Variants in GALNT17 observed in about 807,000 individuals in gnomAD.
GALNT17 encodes the protein polypeptide N-acetylgalactosaminyltransferase 17, also known as UDP-GalNAc:polypeptide N-acetylgalactosaminyltransferase-like 3.
Under a neutral mutation model 63.7 loss-of-function variants are expected in GALNT17, and 29 were observed. That is an observed-to-expected ratio of 0.46 (90% confidence interval 0.34 to 0.62). The LOEUF (loss-of-function observed/expected upper bound fraction) is 0.62. Ranked by LOEUF, GALNT17 falls within the 20% of genes least tolerant of loss-of-function variation. The pLI is 0.01. For synonymous variants in GALNT17, 305 were observed against 318.3 expected, an observed-to-expected ratio of 0.96 and a Z score of 0.45; for missense variants, 603 against 799.6, an observed-to-expected ratio of 0.75 and a Z score of 2.97.
chr7:71,437,951 A>G (rs1786994927), intron 5 of GALNT17, among the ~76,000 whole-genome samples: 1 of 152,124 alleles, frequency 6.6e-6, no homozygotes, highest in Non-Finnish European at 1.5e-5. Flanking sequence ...GGTTTCAAGC[A>G]TTCCTCGTGC....
At chr7:71,349,724 G>T (rs575844040) in intron 2 of GALNT17, among the ~76,000 whole-genome samples, 1 of 152,294 alleles carries the variant, frequency 6.6e-6, no homozygotes, top group South Asian at 2.1e-4. Context: ...GTGCCCCAAT[G>T]ATGAAGCAAT....
intron 2 of GALNT17, among the ~76,000 whole-genome samples, chr7:71,373,341 T>C (rs1385887800): frequency 6.6e-6 from 1 of 152,148 alleles, no homozygotes; most frequent in African/African-American, 2.4e-5. Flanking sequence ...AGGGCCTGCT[T>C]TCTGCGGTGT....
chr7:71,479,358 G>A (rs1171349228), intron 5 of GALNT17, among the ~76,000 whole-genome samples: 3 of 152,140 alleles, frequency 2.0e-5, no homozygotes, highest in Non-Finnish European at 2.9e-5. Context: ...CAGCACGTAT[G>A]GTTTCAGGTA....
At chr7:71,508,683 G>C (rs548993001) in intron 5 of GALNT17, among the ~76,000 whole-genome samples, 1 of 152,156 alleles carries the variant, frequency 6.6e-6, no homozygotes, top group East Asian at 1.9e-4. Context: ...CAAGTCCCCA[G>C]CCTTCATGCC....
intron 1 of GALNT17, among the ~76,000 whole-genome samples, chr7:71,264,226 C>T (rs1790446754): frequency 6.6e-6 from 1 of 152,174 alleles, no homozygotes; most frequent in East Asian, 1.9e-4. Flanking sequence ...AGGGGTTGAG[C>T]ATGCCGCACA....
intron 8 of GALNT17, among the ~76,000 whole-genome samples, chr7:71,675,584 C>A (rs975099859): frequency 1.3e-5 from 2 of 151,718 alleles, no homozygotes; most frequent in African/African-American, 4.9e-5. Flanking sequence ...GATTGCACCC[C>A]TGCACTCCAG....
intron 9 of GALNT17, among the ~76,000 whole-genome samples, chr7:71,693,867 A>C (rs555863465): frequency 7.9e-5 from 12 of 152,096 alleles, no homozygotes; most frequent in Non-Finnish European, 1.5e-4. Context: ...TTCTTTGTAA[A>C]GCTGGAGCAA....
chr7:71,435,145 G>T (rs1274461399), intron 5 of GALNT17, among the ~76,000 whole-genome samples: 2 of 152,126 alleles, frequency 1.3e-5, no homozygotes, highest in Non-Finnish European at 2.9e-5. Flanking sequence ...GGGCATCCTA[G>T]CAAGACCCCA....
chr7:71,322,571 A>G (rs1186355330), intron 1 of GALNT17, among the ~76,000 whole-genome samples: 1 of 152,194 alleles, frequency 6.6e-6, no homozygotes, highest in Non-Finnish European at 1.5e-5. Context: ...CTTCTAGGAC[A>G]GAATTTAACA....
At chr7:71,249,216 G>A (rs553081400) in intron 1 of GALNT17, among the ~76,000 whole-genome samples, 10 of 152,120 alleles carry the variant, frequency 6.6e-5, no homozygotes, top group Admixed American at 2.0e-4. Flanking sequence ...CCTTTCTTAC[G>A]TGGGTTAAAT....
At chr7:71,183,805 G>T (rs757628991) in intron 1 of GALNT17, among the ~76,000 whole-genome samples, 1 of 151,934 alleles carries the variant, frequency 6.6e-6, no homozygotes, top group Non-Finnish European at 1.5e-5. Context: ...CAGGAGAATC[G>T]CGTGAACCCG....
intron 2 of GALNT17, among the ~76,000 whole-genome samples, chr7:71,346,935 T>C (rs992952401): frequency 2.9e-5 from 3 of 101,900 alleles, no homozygotes; most frequent in African/African-American, 8.8e-5. Flanking sequence ...GCATACAGTA[T>C]TTTTTTTTTT....
At chr7:71,549,092 C>A (rs1789033067) in intron 5 of GALNT17, among the ~76,000 whole-genome samples, 2 of 152,132 alleles carry the variant, frequency 1.3e-5, no homozygotes, top group Admixed American at 6.6e-5. Flanking sequence ...GTGCTGTGAT[C>A]TTCAGGAGGG....
At chr7:71,585,919 T>C (rs1789710920) in intron 6 of GALNT17, among the ~76,000 whole-genome samples, 1 of 151,096 alleles carries the variant, frequency 6.6e-6, no homozygotes, top group African/African-American at 2.4e-5. Context: ...GATTTCTTTT[T>C]TTTTTTTTTG....
intron 2 of GALNT17, among the ~76,000 whole-genome samples, chr7:71,361,702 G>A (rs1269754672): frequency 6.6e-6 from 1 of 152,120 alleles, no homozygotes; most frequent in African/African-American, 2.4e-5. Flanking sequence ...TAGATTGAAT[G>A]TCTTCAGCTT....
chr7:71,493,937 G>T (rs1243359530), intron 5 of GALNT17, among the ~76,000 whole-genome samples: 1 of 152,076 alleles, frequency 6.6e-6, no homozygotes, highest in Non-Finnish European at 1.5e-5. Flanking sequence ...TTACTTACTT[G>T]CAGAGAAGAA....
intron 1 of GALNT17, among the ~76,000 whole-genome samples, chr7:71,202,101 C>T (rs1444447851): frequency 6.6e-6 from 1 of 152,080 alleles, no homozygotes; most frequent in Non-Finnish European, 1.5e-5. Flanking sequence ...TCATTCCTTT[C>T]CCCCAAATAG....
intron 3 of GALNT17, among the ~76,000 whole-genome samples, chr7:71,407,593 A>G (rs1053841133): frequency 2.0e-5 from 3 of 152,088 alleles, no homozygotes; most frequent in African/African-American, 7.2e-5. Context: ...CAAAAAATAA[A>G]TAAAATTAGC....
chr7:71,629,373 C>T (rs1417149479), intron 6 of GALNT17, among the ~76,000 whole-genome samples: 2 of 152,166 alleles, frequency 1.3e-5, no homozygotes, highest in East Asian at 1.9e-4. Flanking sequence ...ATGACATCTA[C>T]CTATGCACCC....
Sources: gnomAD v4.1 joint callset for allele counts (sites outside exome capture counted in the v4.1 genomes callset) on GRCh38, gnomAD v4.1.1 for gene constraint, MANE v1.5 for transcripts, NCBI Gene and HGNC (gene_info 2026-07-23, HGNC 2026-07-21) for gene names.